Variants in CSNK1G2 observed in about 807,000 individuals in gnomAD.
CSNK1G2 encodes the protein casein kinase I isoform gamma-2.
In CSNK1G2, 11 loss-of-function variants were observed where a neutral mutation model predicts 48.0. The observed-to-expected ratio is 0.23, with a 90% CI of 0.14 to 0.38. CSNK1G2 has a LOEUF of 0.38. Among genes scored for constraint, CSNK1G2 ranks in the 10% least tolerant of loss-of-function variants. CSNK1G2 has a pLI of 1.00. For synonymous variants in CSNK1G2, 337 were observed against 254.1 expected (o/e 1.33, Z -3.10); for missense variants, 446 against 595.5 (o/e 0.75, Z 2.61).
intron 2 of CSNK1G2, among the ~76,000 whole-genome samples, chr19:1,970,582 G>A (rs928044998): frequency 2.0e-5 from 3 of 152,328 alleles, no homozygotes; most frequent in Admixed American, 6.5e-5. Context: ...TGGGGTGGGG[G>A]TGCCTGAAGA....
chr19:1,979,445 C>T (rs753889632), intron 8 of CSNK1G2, 42 bp downstream of exon 8: 5 of 1,035,612 alleles, frequency 4.8e-6, no homozygotes, highest in East Asian at 3.9e-5. Flanking sequence ...CCCCACCCCC[C>T]ACCCCCCACC....
intron 8 of CSNK1G2, 27 bp from the exon 9 acceptor site, chr19:1,979,468 G>T (rs1454959573): frequency 2.6e-6 from 2 of 782,924 alleles, no homozygotes; most frequent in Admixed American, 1.0e-4. Flanking sequence ...CACCCCCGCC[G>T]AGGCCCCGCT....
At chr19:1,942,140 C>G (rs550755564) in intron 1 of CSNK1G2, among the ~76,000 whole-genome samples, 4 of 152,276 alleles carry the variant, frequency 2.6e-5, no homozygotes, top group African/African-American at 7.2e-5. Flanking sequence ...GCTCGCTGCC[C>G]CCTCCCCCTT....
intron 1 of CSNK1G2, chr19:1,954,118 C>T (rs922014808): frequency 7.4e-6 from 3 of 403,356 alleles, no homozygotes; most frequent in African/African-American, 4.5e-5. Flanking sequence ...TTCTCTTTTG[C>T]ACCTGATGCG....
In CSNK1G2 at chr19:1,978,425, C is replaced by T. The variant is rs749513091; in HGVS notation, c.229-17C>T. On this transcript the variant is annotated splice_polypyrimidine_tract_variant and intron_variant, in intron 3 of 11. Transcript: ENST00000255641. This position sits in a 1 kb window ranked among gnomAD's most constrained non-coding sequence, Gnocchi z 7.3. Reference sequence around the variant, plus strand: ...GCAGCGACCCGGTCCCCTGGTGACTCGCTCTTGTGCCCCCAGGAGCCGATC... The same window carrying T: ...GCAGCGACCCGGTCCCCTGGTGACTTGCTCTTGTGCCCCCAGGAGCCGATC... 47 of 1,611,092 alleles carry T rather than the reference C, an allele frequency of 2.9e-5. No homozygotes were observed. The Admixed American group carries it at 5.0e-4, about 17-fold the overall frequency.
At chr19:1,977,917 C>T (rs1453044650) in intron 2 of CSNK1G2, among the ~76,000 whole-genome samples, 1 of 152,148 alleles carries the variant, frequency 6.6e-6, no homozygotes, top group Non-Finnish European at 1.5e-5. Context: ...TGGGGCTCAC[C>T]TGGGGGCCGA....
chr19:1,965,895 C>A (rs566118074), intron 1 of CSNK1G2, among the ~76,000 whole-genome samples: 4 of 152,162 alleles, frequency 2.6e-5, no homozygotes, highest in Non-Finnish European at 5.9e-5. Context: ...CTCCCAGGCT[C>A]AAGCGATCCT....
intron 1 of CSNK1G2, among the ~76,000 whole-genome samples, chr19:1,947,936 G>A (rs1218661356): frequency 1.4e-5 from 2 of 138,400 alleles, no homozygotes; most frequent in Non-Finnish European, 3.1e-5. Flanking sequence ...GTGTGGTGAC[G>A]TCCTGGGGCC....
At chr19:1,953,398 CTG>C (rs2014853915) in intron 1 of CSNK1G2, 1 of 534,292 alleles carries the variant, frequency 1.9e-6, no homozygotes, top group Non-Finnish European at 3.8e-6. Context: ...CCCCCGGAGT[CTG>C]GAAGGCCGTC....
chr19:1,975,712 C>T, intron 2 of CSNK1G2: 1 of 982,536 alleles, frequency 1.0e-6, no homozygotes, highest in Non-Finnish European at 1.2e-6. Context: ...TCTAAAACTT[C>T]AAACCTGGGG....
chr19:1,966,590 T>A (rs1035798754), intron 1 of CSNK1G2, among the ~76,000 whole-genome samples: 1 of 152,004 alleles, frequency 6.6e-6, no homozygotes, highest in Non-Finnish European at 1.5e-5. Context: ...CGCGGCCGGG[T>A]TGAGAGGACC....
chr19:1,970,508 G>A (rs969449909), intron 2 of CSNK1G2, among the ~76,000 whole-genome samples: 1 of 152,214 alleles, frequency 6.6e-6, no homozygotes, highest in African/African-American at 2.4e-5. Context: ...GGGTCTGATT[G>A]CCCGGGCAGG....
At chr19:1,953,098 T>A (rs2014838158) in intron 1 of CSNK1G2, 1 of 400,670 alleles carries the variant, frequency 2.5e-6, no homozygotes, top group Non-Finnish European at 4.8e-6. Context: ...GAAGGACCCG[T>A]GTCCTCTCAG....
At chr19:1,976,620 C>T (rs1047931804) in intron 2 of CSNK1G2, among the ~76,000 whole-genome samples, 3 of 152,206 alleles carry the variant, frequency 2.0e-5, no homozygotes, top group African/African-American at 7.2e-5. Context: ...TACAGCTCAG[C>T]CACCGGGCTT....
intron 1 of CSNK1G2, among the ~76,000 whole-genome samples, chr19:1,964,965 A>C (rs1479839315): frequency 1.3e-5 from 2 of 150,830 alleles, no homozygotes; most frequent in South Asian, 2.1e-4. Context: ...TGACTTCATG[A>C]TCCGCCTGCC....
intron 1 of CSNK1G2, among the ~76,000 whole-genome samples, chr19:1,963,017 C>T (rs752206388): frequency 1.3e-5 from 2 of 152,088 alleles, no homozygotes; most frequent in South Asian, 4.1e-4. Flanking sequence ...TGACTCAGGC[C>T]ACGGCGTGGA....
At position 1,980,298 on chromosome 19, in the gene CSNK1G2, G is replaced by A; in HGVS notation, c.*95G>A. On this transcript the variant is annotated 3_prime_UTR_variant, in exon 12 of 12. Coordinates refer to ENST00000255641, the MANE Select transcript of CSNK1G2 (RefSeq NM_001319.7). Reference sequence around the variant, plus strand: ...TCGGGGCCCACCCACAGCGGCCCAGGGCCAGACCCTGGCTGGAAGCCAGAA... The same window carrying A: ...TCGGGGCCCACCCACAGCGGCCCAGAGCCAGACCCTGGCTGGAAGCCAGAA... The A allele has an allele frequency of 1.4e-6, 2 of 1,480,182 alleles. No individual in the cohort carries two copies. Among genetic ancestry groups the A allele is most frequent in the Non-Finnish European group, 1.9e-6 (2 of 1,068,452 alleles). The allele number at this position is 1,480,182 out of a possible 1,614,324, so 91.7% of individuals were successfully genotyped here.
chr19:1,949,257 C>A (rs1191973751), intron 1 of CSNK1G2, among the ~76,000 whole-genome samples: 2 of 152,186 alleles, frequency 1.3e-5, no homozygotes, highest in Non-Finnish European at 2.9e-5. Context: ...CTTTCCAGAA[C>A]CTTCCCACCT....
chr19:1,956,683 G>C (rs1015716228), intron 1 of CSNK1G2, among the ~76,000 whole-genome samples: 7 of 152,220 alleles, frequency 4.6e-5, no homozygotes, highest in African/African-American at 1.7e-4. Flanking sequence ...CATCTGGGTA[G>C]ACTGAGTGTT....
Sources: allele counts gnomAD v4.1 joint callset (sites outside exome capture counted in the v4.1 genomes callset), GRCh38; gene constraint gnomAD v4.1.1; non-coding constraint Gnocchi (gnomAD v3.1); transcripts MANE v1.5; gene names NCBI Gene and HGNC (gene_info 2026-07-23, HGNC 2026-07-21).